ABTB2: variants seen among roughly 807,000 people sequenced by gnomAD.
ABTB2 encodes ankyrin repeat and BTB domain containing 2, also known as ankyrin repeat and BTB/POZ domain-containing protein 2.
ABTB2 carries 56 observed loss-of-function variants against 104.1 expected under a neutral mutation model. That is an observed-to-expected ratio of 0.54 (90% CI 0.43 to 0.67). ABTB2 has a LOEUF of 0.67. ABTB2 is among the 30% of genes least tolerant of loss of function. ABTB2 has a pLI of 0.00. For missense variants in ABTB2, 1,279 were observed against 1,407.7 expected, an observed-to-expected ratio of 0.91 and a Z score of 1.46; for synonymous variants, 606 against 608.2, an observed-to-expected ratio of 1.00 and a Z score of 0.05.
At chr11:34,160,062 T>G in intron 12 of ABTB2, 54 bp from the exon 13 acceptor site, 2 of 1,493,988 alleles carry the variant, frequency 1.3e-6, no homozygotes, top group Non-Finnish European at 1.9e-6. Context: ...CTGCTGGGGT[T>G]TGCTTGAGTG....
chr11:34,196,095 C>CA (rs1208821046), intron 3 of ABTB2, among the ~76,000 whole-genome samples: 2 of 152,200 alleles, frequency 1.3e-5, no homozygotes, highest in Non-Finnish European at 2.9e-5. Context: ...CTCAAACCCA[C>CA]AACTCTTGAG....
At chr11:34,347,655 G>A (rs1292564165) in intron 1 of ABTB2, among the ~76,000 whole-genome samples, 1 of 152,094 alleles carries the variant, frequency 6.6e-6, no homozygotes, top group East Asian at 1.9e-4. Context: ...ATTATTATCA[G>A]CAGAATTCAG....
At chr11:34,228,868 C>T (rs1174597300) in intron 1 of ABTB2, among the ~76,000 whole-genome samples, 2 of 151,804 alleles carry the variant, frequency 1.3e-5, no homozygotes, top group Non-Finnish European at 2.9e-5. Context: ...GCCTGTAATT[C>T]CAGGAGTTTG....
rs543059108 is a variant in ABTB2, at chr11:34,151,914, C to A, written c.*473G>T. On this transcript the variant is annotated 3_prime_UTR_variant, in exon 17 of 17. Coordinates refer to ENST00000435224, the MANE Select transcript of ABTB2 (RefSeq NM_145804.3). ...TATGTGACATTTAGGAAGAAAAATA[C>A]CAGCTTTTGAATTACTGCAGACGAC... The A allele has an allele frequency of 1.5e-3, 229 of 156,572 alleles. No individual in the cohort carries two copies. Among genetic ancestry groups the A allele is most frequent in the Non-Finnish European group, 2.5e-3 (174 of 70,710 alleles). 9.7% of individuals were successfully genotyped at this position (156,572 alleles called of 1,614,324 possible).
At chr11:34,287,373 A>G (rs1214793692) in intron 1 of ABTB2, among the ~76,000 whole-genome samples, 3 of 152,120 alleles carry the variant, frequency 2.0e-5, no homozygotes, top group Admixed American at 2.0e-4. Flanking sequence ...AGCCCGGCCA[A>G]CATGGCAAAA....
At chr11:34,233,017 C>T (rs1455851667) in intron 1 of ABTB2, among the ~76,000 whole-genome samples, 2 of 151,598 alleles carry the variant, frequency 1.3e-5, no homozygotes, top group African/African-American at 4.9e-5. Context: ...ATATACTACC[C>T]CCTCCATCAT....
Position 34,154,824 on chromosome 11 carries a change from C to A in ABTB2, c.2698-55G>T. 6.3e-7 allele frequency: 1 copy of A among 1,586,112 alleles called. No individual in the cohort carries two copies. The highest frequency in any genetic ancestry group is 8.6e-7 in the Non-Finnish European group (1 of 1,156,106). On this transcript the variant is annotated intron_variant, in intron 14 of 16. Coordinates refer to ENST00000435224, the MANE Select transcript of ABTB2 (RefSeq NM_145804.3). This position sits in a 1 kb window ranked among gnomAD's most constrained non-coding sequence, Gnocchi z 4.9. ...CACGTGAACCTGAGGCATGAAAGTC[C>A]TTGCCAGCCCCACAGGGTACTGCTC...
chr11:34,229,112 T>C (rs1463880565), intron 1 of ABTB2, among the ~76,000 whole-genome samples: 2 of 122,092 alleles, frequency 1.6e-5, no homozygotes, highest in Non-Finnish European at 1.7e-5. Context: ...AGAGCAAGAC[T>C]CCGTCTTGGA....
intron 1 of ABTB2, among the ~76,000 whole-genome samples, chr11:34,330,345 C>A (rs1010935293): frequency 6.6e-6 from 1 of 152,176 alleles, no homozygotes; most frequent in Non-Finnish European, 1.5e-5. Context: ...ATCTCTCTGA[C>A]CCTCAGTTTC....
At chr11:34,229,121 G>GAAA (rs370579783) in intron 1 of ABTB2, among the ~76,000 whole-genome samples, 11 of 103,780 alleles carry the variant, frequency 1.1e-4, no homozygotes, top group East Asian at 6.0e-4. Context: ...CTCCGTCTTG[G>GAAA]AAAAAAAAAA....
chr11:34,348,352 G>C (rs369251685), intron 1 of ABTB2, among the ~76,000 whole-genome samples: 2 of 152,296 alleles, frequency 1.3e-5, no homozygotes, highest in Middle Eastern at 3.4e-3. Flanking sequence ...CTTAACATCT[G>C]GATAAAAGAT....
rs1855473388 is a variant in ABTB2, at chr11:34,356,947, A to C, written c.637T>G (p.Trp213Gly). ...LTFSVGRFFR[W>G]MVDTRISVRI... Reference sequence around the variant, plus strand: ...ACGGAGATTCGGGTGTCCACCATCCAGCGGAAAAAGCGACCCACTGAGAAG... The same window carrying C: ...ACGGAGATTCGGGTGTCCACCATCCCGCGGAAAAAGCGACCCACTGAGAAG... Residue 213 changes from tryptophan (W) to glycine (G), a missense_variant, in exon 1 of 17, where the codon TGG (tryptophan) becomes GGG (glycine). Transcript: ENST00000435224. The surrounding 1 kb of genome is among the most constrained non-coding windows in gnomAD (Gnocchi z 4.6). The C allele has an allele frequency of 1.3e-6, 2 of 1,599,572 alleles. No individual in the cohort carries two copies. Among genetic ancestry groups the C allele is most frequent in the Non-Finnish European group, 1.7e-6 (2 of 1,173,714 alleles).
chr11:34,172,396 AT>A (rs373030433), intron 4 of ABTB2, among the ~76,000 whole-genome samples: 388 of 22,836 alleles, frequency 0.017, 7 homozygotes, highest in Non-Finnish European at 0.021. Flanking sequence ...AAAAAAAAAA[AT>A]ATATATATAT....
rs377356046 is a variant in ABTB2, at chr11:34,225,969, C to T, written c.884-21279G>A. Among the ~76,000 whole-genome samples the T allele has an allele frequency of 5.3e-5, 8 of 151,724 alleles. No individual in the cohort carries two copies. The East Asian group carries it at 1.4e-3, about 26-fold the overall frequency. On this transcript the variant is annotated intron_variant, in intron 1 of 16. Transcript: ENST00000435224. ...CTGTAATCCCAGCACTTTGGGAAGC[C>T]GAGGCGGGTGGATTGCCTGAGCTCA... is the stretch of plus-strand genomic sequence containing the variant.
chr11:34,331,517 T>C (rs1353771961), intron 1 of ABTB2, among the ~76,000 whole-genome samples: 1 of 152,180 alleles, frequency 6.6e-6, no homozygotes, highest in Non-Finnish European at 1.5e-5. Flanking sequence ...CTGGGTCCCA[T>C]GGTAACTGGA....
chr11:34,185,212 G>C (rs760196321), intron 3 of ABTB2, among the ~76,000 whole-genome samples: 34 of 152,240 alleles, frequency 2.2e-4, no homozygotes, highest in Non-Finnish European at 3.8e-4. Context: ...AGAAGCAGTG[G>C]CGTGAGGGCT....
intron 7 of ABTB2, among the ~76,000 whole-genome samples, chr11:34,166,566 G>A (rs893078993): frequency 6.6e-6 from 1 of 152,264 alleles, no homozygotes; most frequent in East Asian, 1.9e-4. Flanking sequence ...GCCCTCAGAG[G>A]TCTTGCAACC....
intron 1 of ABTB2, among the ~76,000 whole-genome samples, chr11:34,300,336 A>G (rs1312909557): frequency 1.3e-5 from 2 of 152,192 alleles, no homozygotes; most frequent in African/African-American, 4.8e-5. Context: ...GGCGTTTCAC[A>G]TTTTAGAATT....
intron 1 of ABTB2, among the ~76,000 whole-genome samples, chr11:34,300,148 T>C (rs1854683787): frequency 6.6e-6 from 1 of 152,196 alleles, no homozygotes; most frequent in Non-Finnish European, 1.5e-5. Context: ...TACAGCCCGC[T>C]GAATCTAACT....
Sources: allele counts gnomAD v4.1 joint callset (sites outside exome capture counted in the v4.1 genomes callset), GRCh38; gene constraint gnomAD v4.1.1; non-coding constraint Gnocchi (gnomAD v3.1); transcripts MANE v1.5; gene names NCBI Gene and HGNC (gene_info 2026-07-23, HGNC 2026-07-21).